Variants in CHERP observed in about 807,000 individuals in gnomAD.
CHERP encodes ERPROT 213-21.
Under a neutral mutation model 113.8 loss-of-function variants are expected in CHERP, and 8 were observed. The ratio of observed to expected loss-of-function variants is 0.07; its 90% CI spans 0.04 to 0.13. The LOEUF is 0.13. CHERP is among the 10% of genes least tolerant of loss of function. CHERP has a pLI of 1.00. For missense variants in CHERP, 884 were observed against 1,298.2 expected, an observed-to-expected ratio of 0.68 and a Z score of 4.90; for synonymous variants, 559 against 524.5, an observed-to-expected ratio of 1.07 and a Z score of -0.90.
At chr19:16,539,247 A>C (rs1391617806) in intron 2 of CHERP, among the ~76,000 whole-genome samples, 9 of 146,374 alleles carry the variant, frequency 6.1e-5, no homozygotes, top group African/African-American at 2.1e-4. Flanking sequence ...TCCCAGGTTC[A>C]CGCCATTCTC....
rs879140795 is a variant in CHERP, at chr19:16,525,197, C to T, written c.1741+45G>A. 4 of 1,387,054 alleles carry T rather than the reference C, an allele frequency of 2.9e-6. No homozygotes were observed. Among genetic ancestry groups the T allele is most frequent in the Middle Eastern group, 2.6e-4 (1 of 3,774 alleles). 85.9% of individuals were successfully genotyped at this position (1,387,054 alleles called of 1,614,324 possible). A position where few individuals can be genotyped will look rare whatever the true frequency, so the allele number is the denominator to read the frequency against. ...CCACCAGCCTGCTCGGCAGGCGAGC[C>T]GTGGATGCCTCCGCCAGGCCCTACC... On this transcript the variant is annotated intron_variant, in intron 10 of 16. Transcript: ENST00000546361. This position sits in a 1 kb window ranked among gnomAD's most constrained non-coding sequence, Gnocchi z 6.5.
chr19:16,542,083 G>A (rs1304741436), intron 1 of CHERP, 40 bp from the exon 2 acceptor site: 7 of 1,583,900 alleles, frequency 4.4e-6, no homozygotes, highest in African/African-American at 1.4e-5. Flanking sequence ...CGTCAGCGAG[G>A]ACCGCCCAAA....
Position 16,533,065 on chromosome 19 carries a change from C to T in CHERP, c.468G>A (p.Glu156=). The T allele has an allele frequency of 6.3e-7, 1 of 1,576,090 alleles. No homozygotes were observed. Among genetic ancestry groups the T allele is most frequent in the Non-Finnish European group, 8.6e-7 (1 of 1,160,318 alleles). Residue 156 remains glutamate, a synonymous_variant, in exon 4 of 17, where the codon GAG becomes GAA. Transcript: ENST00000546361. ...LLEETQLDMN[E]FDNLLQPIID... ...TGATGGGCTGCAGGAGGTTGTCAAA[C>T]TCGTTCATGTCTAGCTGGGTCTCCT...
rs552582271 is a variant in CHERP at position 16,539,847 on chromosome 19, T to G, written c.199+2023A>C. 2.0e-5 allele frequency: 3 copies of G among 151,774 alleles called. No individual in the cohort carries two copies. In the South Asian group the frequency reaches 6.3e-4, roughly 32 times the overall value. 9.4% of individuals were successfully genotyped at this position (151,774 alleles called of 1,614,324 possible). On this transcript the variant is annotated intron_variant, in intron 2 of 16. Transcript: ENST00000546361. ...CGAGTGGTCCCCAGCTCCCAGGGGG[T>G]CACCATACTGACACTGAACTTACTG...
At chr19:16,533,717 G>A (rs2085722427) in intron 3 of CHERP, among the ~76,000 whole-genome samples, 1 of 152,040 alleles carries the variant, frequency 6.6e-6, no homozygotes. Flanking sequence ...AGCTGTGACT[G>A]TACCACTGCA....
At chr19:16,524,501 A>G (rs1555780675) in intron 10 of CHERP, among the ~76,000 whole-genome samples, 2 of 151,266 alleles carry the variant, frequency 1.3e-5, no homozygotes. Context: ...GGTTGCAGTG[A>G]GCTGAGATTG....
chr19:16,523,240 T>C lies in CHERP; in HGVS notation c.1792A>G (p.Ile598Val), dbSNP rs752665285. The change falls in exon 11 of 17, where the codon ATC (isoleucine) becomes GTC (valine). Residue 598 changes from isoleucine to valine, a missense_variant. By Grantham distance (29) the Ile-to-Val change is conservative (BLOSUM62 3). This residue lies in a region of CHERP where 464 missense variants were observed against 590.1 expected (regional missense o/e 0.79). Coordinates refer to ENST00000546361, the MANE Select transcript of CHERP (RefSeq NM_006387.6). This position sits in a 1 kb window ranked among gnomAD's most constrained non-coding sequence, Gnocchi z 4.0. ...CCAGCCCAAGGCGGGTGCTCGTTGATGCCAGGATGAGGCATGCGGTGGCCA... is the reference window on the plus strand; with the variant it reads ...CCAGCCCAAGGCGGGTGCTCGTTGACGCCAGGATGAGGCATGCGGTGGCCA... Reference protein sequence around the residue: ...HPGHRMPHPGINEHPPWAGPQ... With the variant: ...HPGHRMPHPGVNEHPPWAGPQ... 1.4e-5 allele frequency: 23 copies of C among 1,600,336 alleles called. No homozygotes were observed. The highest frequency in any genetic ancestry group is 1.9e-5 in the Non-Finnish European group (22 of 1,174,844).
intron 11 of CHERP, among the ~76,000 whole-genome samples, chr19:16,522,400 A>G (rs2085624725): frequency 6.6e-6 from 1 of 152,166 alleles, no homozygotes. Flanking sequence ...CTGGGACTAC[A>G]GGCGTCTGCC....
rs1300102967 is a variant in CHERP, at chr19:16,535,553, G to T, written c.283C>A (p.Pro95Thr). The T allele has an allele frequency of 6.3e-7, 1 of 1,584,338 alleles. No individual in the cohort carries two copies. The highest frequency in any genetic ancestry group is 8.6e-7 in the Non-Finnish European group (1 of 1,166,054). Reference protein sequence around the residue: ...LPQPPLAPAAPIPPAQGAPSM... With the variant: ...LPQPPLAPAATIPPAQGAPSM... ...GGCGCGCCCTGGGCCGGCGGGATGG[G>T]CGCGGCGGGGGCCAGCGGGGGCTGT... Residue 95 changes from proline (P) to threonine (T), a missense_variant, in exon 3 of 17, where the codon CCC (proline) becomes ACC (threonine). Coordinates refer to ENST00000546361, the MANE Select transcript of CHERP (RefSeq NM_006387.6). This position sits in a 1 kb window ranked among gnomAD's most constrained non-coding sequence, Gnocchi z 4.3.
intron 2 of CHERP, among the ~76,000 whole-genome samples, chr19:16,537,545 C>G (rs1333943467): frequency 6.6e-6 from 1 of 152,112 alleles, no homozygotes; most frequent in Non-Finnish European, 1.5e-5. Context: ...ACACCTATGT[C>G]CCCTCCTGTG....
In CHERP at chr19:16,518,626, G is replaced by A. The variant is rs1182098123; in HGVS notation, c.*533C>T. ...GCTTCACTTCGCAAGTCAAGTCAAA[G>A]TTTTGTGTTTCTGTTTTTCAATCCG... On this transcript the variant is annotated 3_prime_UTR_variant, in exon 17 of 17. Transcript: ENST00000546361. 2 of 154,290 alleles carry A rather than the reference G, an allele frequency of 1.3e-5. No homozygotes were observed. The highest frequency in any genetic ancestry group is 2.9e-5 in the Non-Finnish European group (2 of 69,640). 9.6% of individuals were successfully genotyped at this position (154,290 alleles called of 1,614,324 possible).
In CHERP at chr19:16,532,844, G is replaced by T; in HGVS notation, c.523-95C>A. 6.4e-7 allele frequency: 1 copy of T among 1,550,468 alleles called. No homozygotes were observed. Among genetic ancestry groups the T allele is most frequent in the Non-Finnish European group, 8.7e-7 (1 of 1,143,468 alleles). Reference sequence around the variant, plus strand: ...AGCGCGTCACCATCAGCTCAGGGAAGGACACACCATGAGCGTGGGGGGCAC... The same window carrying T: ...AGCGCGTCACCATCAGCTCAGGGAATGACACACCATGAGCGTGGGGGGCAC... On this transcript the variant is annotated intron_variant, in intron 4 of 16. Coordinates refer to ENST00000546361, the MANE Select transcript of CHERP (RefSeq NM_006387.6). This position sits in a 1 kb window ranked among gnomAD's most constrained non-coding sequence, Gnocchi z 4.4.
intron 5 of CHERP, among the ~76,000 whole-genome samples, chr19:16,531,639 G>A (rs73514908): frequency 2.5e-3 from 382 of 152,366 alleles, no homozygotes; most frequent in African/African-American, 9.0e-3. Flanking sequence ...AGAGAGGCGC[G>A]TGGCTGGAGA....
At chr19:16,524,921 G>GA (rs1334822125) in intron 10 of CHERP, among the ~76,000 whole-genome samples, 1 of 151,934 alleles carries the variant, frequency 6.6e-6, no homozygotes, top group Non-Finnish European at 1.5e-5. Context: ...AATACAACGG[G>GA]AAAACTGATG....
At chr19:16,528,890 T>C (rs1242549128) in intron 8 of CHERP, among the ~76,000 whole-genome samples, 1 of 152,196 alleles carries the variant, frequency 6.6e-6, no homozygotes, top group Non-Finnish European at 1.5e-5. Flanking sequence ...GAAGCGGAGC[T>C]TGCAGTGAGC....
At chr19:16,521,068 T>A (rs2122243349) in intron 12 of CHERP, 156 bp from the exon 13 acceptor site, 1 of 680,106 alleles carries the variant, frequency 1.5e-6, no homozygotes, top group African/African-American at 1.8e-5. Flanking sequence ...GGTTCAGTGT[T>A]CCCACAGGGC....
Position 16,523,466 on chromosome 19 carries a change from G to A in CHERP, c.1742-176C>T, listed in dbSNP as rs1043588377. On this transcript the variant is annotated intron_variant, in intron 10 of 16. Transcript: ENST00000546361. The surrounding 1 kb of genome is among the most constrained non-coding windows in gnomAD (Gnocchi z 4.0). ...GCAAGGCACCGAGGAGCCAGGCTCC[G>A]AGGGGCCTGTCCCGCACCCATAGGC... Among the ~76,000 whole-genome samples the A allele has an allele frequency of 1.1e-4, 16 of 152,062 alleles. No homozygotes were observed. The highest frequency in any genetic ancestry group is 4.6e-4 in the Admixed American group (7 of 15,262).
rs375983357 is a variant in CHERP at position 16,541,861 on chromosome 19, G to C, written c.199+9C>G. The C allele has an allele frequency of 5.0e-6, 8 of 1,610,546 alleles. No individual in the cohort carries two copies. Among genetic ancestry groups the C allele is most frequent in the Non-Finnish European group, 5.1e-6 (6 of 1,178,958 alleles). On this transcript the variant is annotated intron_variant, in intron 2 of 16. Coordinates refer to ENST00000546361, the MANE Select transcript of CHERP (RefSeq NM_006387.6). ...CGATGGGACGGCCTGAGTGCCGGAGGGGACTCACGCTGCTGCTGCTCCAGC... is the reference window on the plus strand; with the variant it reads ...CGATGGGACGGCCTGAGTGCCGGAGCGGACTCACGCTGCTGCTGCTCCAGC...
chr19:16,528,032 C>T (rs751973653), intron 9 of CHERP, 48 bp downstream of exon 9: 1 of 1,587,482 alleles, frequency 6.3e-7, no homozygotes, highest in Non-Finnish European at 8.6e-7. Flanking sequence ...GCTACCCCAT[C>T]AGGCCAAGTG....
Sources: allele counts gnomAD v4.1 joint callset (sites outside exome capture counted in the v4.1 genomes callset), GRCh38; gene constraint gnomAD v4.1.1; regional missense constraint gnomAD v4.1.1; non-coding constraint Gnocchi (gnomAD v3.1); transcripts MANE v1.5; gene names NCBI Gene and HGNC (gene_info 2026-07-23, HGNC 2026-07-21).